The following ADAM19 variants were observed in gnomAD, a reference collection of about 807,000 sequenced individuals.
The protein encoded by ADAM19 is ADAM metallopeptidase domain 19.
In ADAM19, 65 loss-of-function variants were observed where a neutral mutation model predicts 114.7. That is an observed-to-expected ratio of 0.57 (90% confidence interval 0.46 to 0.70). The LOEUF is 0.70. Ranked by LOEUF, ADAM19 falls within the 30% of genes least tolerant of loss-of-function variation. The pLI is 0.00. For missense variants in ADAM19, 1,063 were observed against 1,204.7 expected (o/e 0.88, Z 1.74); for synonymous variants, 466 against 460.5 (o/e 1.01, Z -0.15).
intron 13 of ADAM19, among the ~76,000 whole-genome samples, chr5:157,498,684 G>GTATGTA (rs1554079317): frequency 1.5e-5 from 1 of 66,286 alleles, no homozygotes; most frequent in African/African-American, 5.8e-5. Context: ...ACACATGTGT[G>GTATGTA]TATGTATATA....
chr5:157,507,312 A>T (rs1465041728), intron 9 of ADAM19, among the ~76,000 whole-genome samples, 172 bp from the exon 10 acceptor site: 2 of 152,218 alleles, frequency 1.3e-5, no homozygotes, highest in Non-Finnish European at 2.9e-5. Context: ...CCAGCTCACC[A>T]CACCTCTCAC....
chr5:157,543,196 G>A (rs1756964119), intron 3 of ADAM19, among the ~76,000 whole-genome samples: 1 of 152,156 alleles, frequency 6.6e-6, no homozygotes, highest in East Asian at 1.9e-4. Context: ...TTATCATCTT[G>A]CTGGTTAGCC....
At chr5:157,535,120 T>G (rs1243073042) in intron 4 of ADAM19, among the ~76,000 whole-genome samples, 1 of 152,170 alleles carries the variant, frequency 6.6e-6, no homozygotes, top group Non-Finnish European at 1.5e-5. Flanking sequence ...GCCCTGCGAG[T>G]CAGATATCAG....
At chr5:157,533,574 G>A (rs1320623258) in intron 4 of ADAM19, among the ~76,000 whole-genome samples, 2 of 152,160 alleles carry the variant, frequency 1.3e-5, no homozygotes, top group African/African-American at 4.8e-5. Flanking sequence ...AGAGGGGCCG[G>A]GCCTGTGTGG....
chr5:157,550,341 C>G (rs905420325), intron 3 of ADAM19, among the ~76,000 whole-genome samples: 4 of 152,190 alleles, frequency 2.6e-5, no homozygotes, highest in African/African-American at 9.7e-5. Context: ...GAGTGTGTGT[C>G]TGTTTCCAAA....
intron 7 of ADAM19, 54 bp downstream of exon 7, chr5:157,518,769 A>G (rs1259965546): frequency 7.5e-7 from 1 of 1,329,558 alleles, no homozygotes; most frequent in Non-Finnish European, 1.1e-6. Flanking sequence ...GGAGCCTGGA[A>G]TGGAAGCTAT....
chr5:157,555,051 A>C (rs11744800), intron 3 of ADAM19, among the ~76,000 whole-genome samples: 37,842 of 152,130 alleles, frequency 0.25, 4,711 homozygotes, highest in South Asian at 0.37. Flanking sequence ...CCAAAGCATA[A>C]TGAGCCAGGA....
chr5:157,518,687 G>T, intron 7 of ADAM19, 136 bp downstream of exon 7: 2 of 835,868 alleles, frequency 2.4e-6, no homozygotes, highest in Non-Finnish European at 4.0e-6. Flanking sequence ...CCCAGCCTTT[G>T]GTGAGATTTA....
chr5:157,527,130 T>C (rs559250556), intron 5 of ADAM19, among the ~76,000 whole-genome samples: 2 of 152,170 alleles, frequency 1.3e-5, no homozygotes, highest in Admixed American at 6.5e-5. Context: ...CTTACAGTCA[T>C]GGTGGATGGC....
At position 157,537,919 on chromosome 5, in the gene ADAM19, T is replaced by C. The variant is rs751490540; in HGVS notation, c.324A>G (p.Lys108=). 6.2e-7 allele frequency: 1 copy of C among 1,613,938 alleles called. No individual in the cohort carries two copies. The highest frequency in any genetic ancestry group is 2.2e-5 in the East Asian group (1 of 44,880). Residue 108 remains lysine (K), a synonymous_variant, in exon 4 of 23, where the codon AAA becomes AAG. Transcript: ENST00000257527. The part of the protein sequence containing the change: ...SSGNPQTTTR[K]LEDHCFYHGT... ...TTTGTTGACCTGAACTCACCTCCAA[T>C]TTCCGTGTGGTGGTTTGAGGGTTAC...
chr5:157,539,981 T>C (rs1166768583), intron 3 of ADAM19, among the ~76,000 whole-genome samples: 3 of 152,260 alleles, frequency 2.0e-5, no homozygotes, highest in African/African-American at 7.2e-5. Flanking sequence ...ATTCCAGCTC[T>C]GACATTCACT....
chr5:157,549,179 G>A (rs903513941), intron 3 of ADAM19, among the ~76,000 whole-genome samples: 39 of 152,330 alleles, frequency 2.6e-4, no homozygotes, highest in Non-Finnish European at 4.6e-4. Context: ...TGCACTTCAA[G>A]TATGTTTCCT....
intron 21 of ADAM19, among the ~76,000 whole-genome samples, chr5:157,482,596 G>C (rs1754790260): frequency 6.6e-6 from 1 of 152,138 alleles, no homozygotes; most frequent in Non-Finnish European, 1.5e-5. Flanking sequence ...GTAAGGAAGG[G>C]ATCCAGTTTC....
At chr5:157,547,154 C>A (rs1036129956) in intron 3 of ADAM19, among the ~76,000 whole-genome samples, 2 of 152,156 alleles carry the variant, frequency 1.3e-5, no homozygotes, top group Non-Finnish European at 2.9e-5. Flanking sequence ...ATGATCCTGC[C>A]AAGGTGGTGA....
At position 157,497,034 on chromosome 5, in the gene ADAM19, T is replaced by G; in HGVS notation, c.1454A>C (p.Glu485Ala). The change falls in exon 14 of 23, where the codon GAG becomes GCG. Residue 485 changes from glutamate (E) to alanine (A), a missense_variant. Around this residue, in one of 3 missense-constraint regions of ADAM19, gnomAD observed 615 missense variants for 706.3 expected, o/e 0.87. Transcript: ENST00000257527. The stretch of plus-strand genomic sequence containing the variant: ...GTGGGGAGACTTGCCCGTACAGAAC[T>G]CCGGGAGGTCACACTGCCTGGCCTG... ...REQARQCDLP[E>A]FCTGKSPHCP... 6.3e-7 allele frequency: 1 copy of G among 1,577,266 alleles called. No homozygotes were observed. Among genetic ancestry groups the G allele is most frequent in the Non-Finnish European group, 8.6e-7 (1 of 1,164,930 alleles).
At chr5:157,492,795 TTCC>T (rs1462634576) in intron 16 of ADAM19, among the ~76,000 whole-genome samples, 175 bp downstream of exon 16, 9 of 152,194 alleles carry the variant, frequency 5.9e-5, no homozygotes, top group Non-Finnish European at 1.2e-4. Context: ...TCTTTAATCC[TTCC>T]GACAGTTCTC....
intron 13 of ADAM19, among the ~76,000 whole-genome samples, chr5:157,497,446 T>C (rs1351272190): frequency 6.6e-6 from 1 of 152,154 alleles, no homozygotes; most frequent in African/African-American, 2.4e-5. Flanking sequence ...CTTCACTTAG[T>C]TTTCATGACA....
intron 3 of ADAM19, among the ~76,000 whole-genome samples, chr5:157,543,139 G>C (rs4704881): frequency 0.84 from 128,281 of 152,180 alleles, 54,671 homozygotes; most frequent in East Asian, 1. Context: ...CACACACACC[G>C]CCACACAAAT....
At chr5:157,566,402 A>C (rs1757665459) in intron 2 of ADAM19, 1 of 152,166 alleles carries the variant, frequency 6.6e-6, no homozygotes, top group East Asian at 1.9e-4. Context: ...ATCATGAGTT[A>C]ATTTTGTTTT....
Sources: gnomAD v4.1 joint callset for allele counts (sites outside exome capture counted in the v4.1 genomes callset) on GRCh38, gnomAD v4.1.1 for gene constraint, gnomAD v4.1.1 regional missense constraint, MANE v1.5 for transcripts, NCBI Gene and HGNC (gene_info 2026-07-23, HGNC 2026-07-21) for gene names.